Variants in HNRNPC observed in about 807,000 individuals in gnomAD.
HNRNPC encodes heterogeneous nuclear ribonucleoprotein C.
A neutral mutation model predicts 33.2 loss-of-function variants in HNRNPC; 3 were observed. The observed-to-expected ratio is 0.09, with a 90% CI of 0.04 to 0.23. The LOEUF is 0.23. HNRNPC is among the 10% of genes least tolerant of loss of function. The pLI is 1.00. For synonymous variants in HNRNPC, 121 were observed against 126.7 expected, an observed-to-expected ratio of 0.96 and a Z score of 0.30; for missense variants, 143 against 366.7, an observed-to-expected ratio of 0.39 and a Z score of 4.98.
At chr14:21,261,304 CAAGGAATAAA>C (rs1566648172) in intron 2 of HNRNPC, among the ~76,000 whole-genome samples, 4 of 152,026 alleles carry the variant, frequency 2.6e-5, no homozygotes, top group Non-Finnish European at 4.4e-5. Flanking sequence ...GTAGAATTAA[CAAGGAATAAA>C]TCAAACTGAA....
intron 2 of HNRNPC, among the ~76,000 whole-genome samples, chr14:21,257,394 A>G (rs28510166): frequency 0.016 from 2,446 of 151,282 alleles, 33 homozygotes; most frequent in Middle Eastern, 0.078. Flanking sequence ...AAAAAAAAAT[A>G]AAAACGTTTC....
chr14:21,267,926 G>A (rs1026809217), intron 1 of HNRNPC, among the ~76,000 whole-genome samples: 1 of 152,110 alleles, frequency 6.6e-6, no homozygotes, highest in African/African-American at 2.4e-5. Flanking sequence ...TTAAGTTCCT[G>A]TAATAATATA....
At chr14:21,219,423 T>C (rs1472508529) in intron 5 of HNRNPC, among the ~76,000 whole-genome samples, 2 of 152,232 alleles carry the variant, frequency 1.3e-5, no homozygotes, top group African/African-American at 4.8e-5. Context: ...TTCCATTCAC[T>C]TGAAATCTGT....
chr14:21,267,095 CAAAAAAAAAAAAAAA>C (rs56203257), intron 1 of HNRNPC, among the ~76,000 whole-genome samples: 12 of 104,052 alleles, frequency 1.2e-4, no homozygotes, highest in Non-Finnish European at 4.0e-5. Context: ...GACTCCGTCT[CAAAAAAAAAAAAAAA>C]AAAAAAAAAA....
chr14:21,222,321 G>T (rs977374322), intron 5 of HNRNPC, among the ~76,000 whole-genome samples: 8 of 151,990 alleles, frequency 5.3e-5, no homozygotes, highest in African/African-American at 1.7e-4. Context: ...ATACTCAAAA[G>T]AAATGAAAAC....
At chr14:21,266,834 T>C (rs1879062311) in intron 1 of HNRNPC, among the ~76,000 whole-genome samples, 3 of 151,944 alleles carry the variant, frequency 2.0e-5, no homozygotes, top group Admixed American at 2.0e-4. Flanking sequence ...CTCACGCCTG[T>C]AATACCAGCA....
chr14:21,241,409 A>G (rs542881819), intron 2 of HNRNPC, among the ~76,000 whole-genome samples: 130 of 152,316 alleles, frequency 8.5e-4, no homozygotes, highest in African/African-American at 3.1e-3. Flanking sequence ...CAAAAGTGAC[A>G]CTAGATGGCA....
intron 2 of HNRNPC, among the ~76,000 whole-genome samples, chr14:21,238,661 G>GC (rs1286781245): frequency 3.3e-5 from 5 of 151,994 alleles, no homozygotes; most frequent in African/African-American, 1.2e-4. Flanking sequence ...TGAGGTCAAT[G>GC]CCCCTCATCA....
chr14:21,231,693 A>G (rs999099244), intron 3 of HNRNPC, among the ~76,000 whole-genome samples: 10 of 152,210 alleles, frequency 6.6e-5, no homozygotes, highest in South Asian at 2.1e-4. Flanking sequence ...TTACCATTCA[A>G]GTGTTCCTGA....
chr14:21,261,367 A>G (rs1202712411), intron 2 of HNRNPC, among the ~76,000 whole-genome samples: 1 of 152,198 alleles, frequency 6.6e-6, no homozygotes, highest in African/African-American at 2.4e-5. Flanking sequence ...AGCAAAGAAG[A>G]AAAAATAGCT....
chr14:21,260,585 G>A (rs1241701279), intron 2 of HNRNPC, among the ~76,000 whole-genome samples: 1 of 151,976 alleles, frequency 6.6e-6, no homozygotes, highest in African/African-American at 2.4e-5. Context: ...TCAGGAGGCT[G>A]AGGCGGGTGG....
At chr14:21,211,669 CCACA>C (rs1320458910) in intron 7 of HNRNPC, 103 bp from the exon 8 acceptor site, 31 of 1,450,420 alleles carry the variant, frequency 2.1e-5, no homozygotes, top group Non-Finnish European at 2.8e-5. Flanking sequence ...CTAAATCCTC[CCACA>C]CAAATACCCT....
In HNRNPC at chr14:21,209,852, T is replaced by G. The variant is rs1891433572; in HGVS notation, c.*1371A>C. On this transcript the variant is annotated 3_prime_UTR_variant, in exon 9 of 9. Transcript: ENST00000553300. ...AACTAAGCCTTTCAAGGATGAGGTA[T>G]CACCAACACTGGTAGCTGTTTAATA... is the stretch of plus-strand genomic sequence containing the variant. The G allele has an allele frequency of 6.6e-6, 1 of 152,226 alleles. No individual in the cohort carries two copies. The highest frequency in any genetic ancestry group is 2.4e-5 in the African/African-American group (1 of 41,454). 9.4% of individuals were successfully genotyped at this position (152,226 alleles called of 1,614,324 possible). A position where few individuals can be genotyped will look rare whatever the true frequency, so the allele number is the denominator to read the frequency against.
chr14:21,215,690 C>T (rs766858655), intron 5 of HNRNPC, among the ~76,000 whole-genome samples: 1 of 151,962 alleles, frequency 6.6e-6, no homozygotes, highest in Admixed American at 6.6e-5. Context: ...CATGAGGTTA[C>T]GAGTTGAGAC....
At chr14:21,215,474 C>G (rs1295471142) in intron 5 of HNRNPC, among the ~76,000 whole-genome samples, 2 of 152,130 alleles carry the variant, frequency 1.3e-5, no homozygotes, top group African/African-American at 2.4e-5. Context: ...AATCTTTTAC[C>G]AGGGGAACAA....
At chr14:21,245,698 C>A (rs1333291313) in intron 2 of HNRNPC, among the ~76,000 whole-genome samples, 1 of 151,934 alleles carries the variant, frequency 6.6e-6, no homozygotes, top group Non-Finnish European at 1.5e-5. Flanking sequence ...ACAAATTTTT[C>A]TTTTCTTTAA....
intron 5 of HNRNPC, among the ~76,000 whole-genome samples, chr14:21,229,914 AT>A (rs1485425721): frequency 6.6e-6 from 1 of 152,208 alleles, no homozygotes; most frequent in Non-Finnish European, 1.5e-5. Flanking sequence ...AAGTCTTAAC[AT>A]TTCCTTCATG....
chr14:21,253,776 A>C (rs1190608326), intron 2 of HNRNPC, among the ~76,000 whole-genome samples: 1 of 152,082 alleles, frequency 6.6e-6, no homozygotes, highest in Admixed American at 6.5e-5. Flanking sequence ...GAACTTTTTA[A>C]AATGTGCGGC....
intron 2 of HNRNPC, among the ~76,000 whole-genome samples, chr14:21,241,470 A>G (rs1336891475): frequency 6.6e-6 from 1 of 152,140 alleles, no homozygotes; most frequent in Non-Finnish European, 1.5e-5. Flanking sequence ...CTGTATTCCA[A>G]AGTTTTCAGT....
Sources: allele counts gnomAD v4.1 joint callset (sites outside exome capture counted in the v4.1 genomes callset), GRCh38; gene constraint gnomAD v4.1.1; transcripts MANE v1.5; gene names NCBI Gene and HGNC (gene_info 2026-07-23, HGNC 2026-07-21).